CDH18: variants seen among roughly 807,000 people sequenced by gnomAD.
The protein encoded by CDH18 is cadherin-18.
CDH18 carries 31 observed loss-of-function variants against 67.9 expected under a neutral mutation model. The observed-to-expected ratio is 0.46, with a 90% CI of 0.34 to 0.62. CDH18 has a LOEUF of 0.62. Among genes scored for constraint, CDH18 ranks in the 20% least tolerant of loss-of-function variants. The probability of loss-of-function intolerance (pLI) is 0.01; values close to 1 mark genes in which losing one functional copy is unlikely to be tolerated. For missense variants in CDH18, 890 were observed against 975.5 expected (o/e 0.91, Z 1.17); for synonymous variants, 362 against 347.2 (o/e 1.04, Z -0.48).
At chr5:19,827,846 G>T (rs1780564709) in intron 3 of CDH18, among the ~76,000 whole-genome samples, 1 of 152,098 alleles carries the variant, frequency 6.6e-6, no homozygotes, top group Admixed American at 6.6e-5. Context: ...CACAAAGTTT[G>T]CAGAAGATAA....
intron 3 of CDH18, among the ~76,000 whole-genome samples, chr5:19,764,318 A>C (rs905098770): frequency 6.6e-6 from 1 of 152,090 alleles, no homozygotes; most frequent in African/African-American, 2.4e-5. Context: ...TTATTAAAAT[A>C]ATAGTATAAA....
At chr5:20,558,419 C>T (rs1170351392) in intron 1 of CDH18, among the ~76,000 whole-genome samples, 2 of 152,006 alleles carry the variant, frequency 1.3e-5, no homozygotes, top group Admixed American at 6.6e-5. Context: ...GTGAGAAGAA[C>T]TTGGCATTTA....
At chr5:19,769,252 T>C (rs184117166) in intron 3 of CDH18, among the ~76,000 whole-genome samples, 2 of 152,224 alleles carry the variant, frequency 1.3e-5, no homozygotes, top group East Asian at 3.9e-4. Context: ...TTCATATTGA[T>C]ATACATTGCT....
At chr5:20,209,813 C>CAATTACT (rs923985783) in intron 2 of CDH18, among the ~76,000 whole-genome samples, 9 of 151,516 alleles carry the variant, frequency 5.9e-5, no homozygotes, top group African/African-American at 2.2e-4. Flanking sequence ...GCCCAATTAC[C>CAATTACT]GTGATTTGAT....
chr5:19,538,482 C>T (rs1373186817), intron 9 of CDH18, among the ~76,000 whole-genome samples: 1 of 152,120 alleles, frequency 6.6e-6, no homozygotes, highest in African/African-American at 2.4e-5. Context: ...CCTGACCATA[C>T]TCATAATGTC....
chr5:19,682,613 T>C (rs1378881938), intron 5 of CDH18, among the ~76,000 whole-genome samples: 2 of 152,114 alleles, frequency 1.3e-5, no homozygotes, highest in Non-Finnish European at 2.9e-5. Flanking sequence ...GCAGAGAGTG[T>C]AACTGGTCTC....
chr5:20,172,220 ATATG>A (rs1335710750), intron 2 of CDH18, among the ~76,000 whole-genome samples: 11 of 79,464 alleles, frequency 1.4e-4, no homozygotes, highest in South Asian at 4.2e-4. Flanking sequence ...ATATATATAT[ATATG>A]TATATATATA....
intron 7 of CDH18, among the ~76,000 whole-genome samples, chr5:19,580,772 A>T (rs1743116340): frequency 6.6e-6 from 1 of 151,962 alleles, no homozygotes; most frequent in Admixed American, 6.6e-5. Context: ...TGGGATTTAA[A>T]CTCAGGCAGA....
intron 1 of CDH18, among the ~76,000 whole-genome samples, chr5:20,565,282 AGTT>A (rs4002055): frequency 0.58 from 87,075 of 151,300 alleles, 26,030 homozygotes; most frequent in African/African-American, 0.74. Flanking sequence ...ATAGACCTAA[AGTT>A]GTTGTTGTTG....
chr5:19,510,955 GCACCTGC>G (rs1745019212), intron 10 of CDH18, among the ~76,000 whole-genome samples: 1 of 152,176 alleles, frequency 6.6e-6, no homozygotes, highest in African/African-American at 2.4e-5. Flanking sequence ...GGGATTACAA[GCACCTGC>G]CACCATGCCT....
intron 2 of CDH18, among the ~76,000 whole-genome samples, chr5:20,131,325 T>C (rs545953138): frequency 2.7e-4 from 41 of 152,162 alleles, no homozygotes; most frequent in African/African-American, 7.5e-4. Flanking sequence ...TAAGACAAAA[T>C]AATTATCTGT....
chr5:20,239,453 C>T (rs1041056177), intron 2 of CDH18, among the ~76,000 whole-genome samples: 1 of 151,912 alleles, frequency 6.6e-6, no homozygotes, highest in East Asian at 1.9e-4. Flanking sequence ...AAGACTCCAT[C>T]TCCAAAAAAC....
chr5:19,525,416 G>A (rs186410202), intron 9 of CDH18, among the ~76,000 whole-genome samples: 5 of 151,766 alleles, frequency 3.3e-5, no homozygotes, highest in South Asian at 2.1e-4. Context: ...TATCAGTTTC[G>A]TCTATATACC....
chr5:19,627,147 G>A (rs1405408558), intron 5 of CDH18, among the ~76,000 whole-genome samples: 2 of 152,160 alleles, frequency 1.3e-5, no homozygotes, highest in African/African-American at 4.8e-5. Context: ...GGCAGTGGAT[G>A]TATTGATCTG....
chr5:20,526,472 C>T (rs2126538409), intron 1 of CDH18, among the ~76,000 whole-genome samples: 1 of 152,138 alleles, frequency 6.6e-6, no homozygotes, highest in East Asian at 1.9e-4. Flanking sequence ...GAAGATCTCC[C>T]AACAGGGGTT....
At chr5:20,494,745 C>G (rs377461738) in intron 1 of CDH18, among the ~76,000 whole-genome samples, 1 of 152,108 alleles carries the variant, frequency 6.6e-6, no homozygotes, top group African/African-American at 2.4e-5. Context: ...TCTATGGCCA[C>G]CTTCTTTAGA....
At chr5:20,282,471 T>A (rs1746359650) in intron 1 of CDH18, among the ~76,000 whole-genome samples, 1 of 152,154 alleles carries the variant, frequency 6.6e-6, no homozygotes, top group Non-Finnish European at 1.5e-5. Context: ...ACTGAGATAA[T>A]CATATGGTTT....
At chr5:19,789,930 G>A (rs993839159) in intron 3 of CDH18, among the ~76,000 whole-genome samples, 2 of 151,824 alleles carry the variant, frequency 1.3e-5, no homozygotes, top group African/African-American at 2.4e-5. Flanking sequence ...TAATGTGTAT[G>A]TAAATAATAT....
chr5:20,300,988 G>C (rs760561430), intron 1 of CDH18, among the ~76,000 whole-genome samples: 70 of 152,110 alleles, frequency 4.6e-4, no homozygotes, highest in Non-Finnish European at 9.1e-4. Context: ...GGATGAACTA[G>C]AAGAATTTCT....
Sources: allele counts gnomAD v4.1 joint callset (sites outside exome capture counted in the v4.1 genomes callset), GRCh38; gene constraint gnomAD v4.1.1; transcripts MANE v1.5; gene names NCBI Gene and HGNC (gene_info 2026-07-23, HGNC 2026-07-21).